Variants in EPB41L2 observed in about 807,000 individuals in gnomAD.
The protein encoded by EPB41L2 is erythrocyte membrane protein band 4.1 like 2.
Under a neutral mutation model 113.0 loss-of-function variants are expected in EPB41L2, and 43 were observed. The observed-to-expected ratio is 0.38, with a 90% CI of 0.30 to 0.49. EPB41L2 has a LOEUF of 0.49. Among genes scored for constraint, EPB41L2 ranks in the 20% least tolerant of loss-of-function variants. The probability of loss-of-function intolerance (pLI) is 0.95; values close to 1 mark genes in which losing one functional copy is unlikely to be tolerated. For synonymous variants in EPB41L2, 442 were observed against 436.7 expected, an observed-to-expected ratio of 1.01 and a Z score of -0.15; for missense variants, 1,147 against 1,223.4, an observed-to-expected ratio of 0.94 and a Z score of 0.93.
chr6:130,940,288 T>C (rs879347814), intron 3 of EPB41L2, among the ~76,000 whole-genome samples: 7 of 152,186 alleles, frequency 4.6e-5, no homozygotes, highest in African/African-American at 1.7e-4. Context: ...TGGTTTGCCC[T>C]GAACAAATGT....
At chr6:130,931,137 G>C (rs1806683159) in intron 3 of EPB41L2, among the ~76,000 whole-genome samples, 1 of 152,066 alleles carries the variant, frequency 6.6e-6, no homozygotes, top group Non-Finnish European at 1.5e-5. Context: ...GGAGATGAGA[G>C]AGAATAAGGG....
At chr6:130,950,121 C>T (rs1298441131) in intron 3 of EPB41L2, among the ~76,000 whole-genome samples, 3 of 152,052 alleles carry the variant, frequency 2.0e-5, no homozygotes, top group African/African-American at 7.2e-5. Context: ...AACTGTATTT[C>T]AAATTTGTAC....
At chr6:130,872,387 A>T (rs1786031182) in intron 14 of EPB41L2, 1 of 1,288,504 alleles carries the variant, frequency 7.8e-7, no homozygotes, top group African/African-American at 1.5e-5. Context: ...CAAGTGTGAG[A>T]AGGGCGAGGA....
chr6:130,981,574 C>T (rs970548316), intron 1 of EPB41L2, among the ~76,000 whole-genome samples: 1 of 152,176 alleles, frequency 6.6e-6, no homozygotes, highest in Non-Finnish European at 1.5e-5. Context: ...GACATTCTGA[C>T]AGTGCACACA....
At position 130,955,086 on chromosome 6, in the gene EPB41L2, A is replaced by G; in HGVS notation, c.705+19T>C. The G allele has an allele frequency of 6.2e-7, 1 of 1,609,002 alleles. No homozygotes were observed. The highest frequency in any genetic ancestry group is 1.1e-5 in the South Asian group (1 of 90,874). On this transcript the variant is annotated intron_variant, in intron 3 of 19. Coordinates refer to ENST00000337057, the MANE Select transcript of EPB41L2 (RefSeq NM_001431.4). ...CAATCCACATATCAAGCTAGCTCTC[A>G]CTCAGCTCCCTATCTCACCTCCAGG...
chr6:130,918,550 T>C (rs6900130), intron 4 of EPB41L2, among the ~76,000 whole-genome samples: 11,473 of 152,192 alleles, frequency 0.075, 969 homozygotes, highest in African/African-American at 0.2. Flanking sequence ...GTAAAGTTTA[T>C]ATAAGCACTC....
chr6:130,955,120 G>A lies in EPB41L2; in HGVS notation c.690C>T (p.Tyr230=). Residue 230 remains tyrosine, a synonymous_variant, in exon 3 of 20, where the codon TAC becomes TAT. Coordinates refer to ENST00000337057, the MANE Select transcript of EPB41L2 (RefSeq NM_001431.4). The part of the protein sequence containing the change: ...CKVTLLDGTE[Y]SCDLEKHAKG... ...CCTATCTCACCTCCAGGTCACAGCT[G>A]TATTCGGTGCCATCTAAGAGGGTCA... 1 of 1,614,130 alleles carries A rather than the reference G, an allele frequency of 6.2e-7. No individual in the cohort carries two copies. Among genetic ancestry groups the A allele is most frequent in the Non-Finnish European group, 8.5e-7 (1 of 1,180,010 alleles).
intron 1 of EPB41L2, among the ~76,000 whole-genome samples, chr6:130,993,194 AC>A (rs1330109952): frequency 1.3e-5 from 2 of 152,176 alleles, no homozygotes; most frequent in South Asian, 2.1e-4. Context: ...TACAATAAAT[AC>A]CCCAAAAAGG....
At chr6:130,994,574 C>T (rs901648053) in intron 1 of EPB41L2, among the ~76,000 whole-genome samples, 10 of 152,058 alleles carry the variant, frequency 6.6e-5, no homozygotes, top group Admixed American at 3.9e-4. Context: ...CTGCCCCAGG[C>T]GACAAAAGGA....
chr6:131,009,944 T>C (rs1205071835), intron 1 of EPB41L2, among the ~76,000 whole-genome samples: 1 of 152,198 alleles, frequency 6.6e-6, no homozygotes, highest in Non-Finnish European at 1.5e-5. Context: ...CATGCAAACA[T>C]CTGTGCAATC....
chr6:130,943,549 C>A (rs1811630429), intron 3 of EPB41L2, among the ~76,000 whole-genome samples: 1 of 152,166 alleles, frequency 6.6e-6, no homozygotes, highest in Non-Finnish European at 1.5e-5. Context: ...GCCTATCCAG[C>A]AAGAGGTGGA....
intron 1 of EPB41L2, 74 bp from the exon 2 acceptor site, chr6:130,956,573 G>C: frequency 7.5e-7 from 1 of 1,332,738 alleles, no homozygotes; most frequent in Admixed American, 2.4e-5. Context: ...CGAGGGGCAT[G>C]GTAAGGAAAG....
intron 1 of EPB41L2, among the ~76,000 whole-genome samples, chr6:131,049,443 T>G (rs1230935152): frequency 6.6e-6 from 1 of 152,244 alleles, no homozygotes; most frequent in Non-Finnish European, 1.5e-5. Flanking sequence ...TTTTCCTTTT[T>G]CTCTTTAAGA....
At chr6:131,019,858 T>C (rs9375796) in intron 1 of EPB41L2, among the ~76,000 whole-genome samples, 22,802 of 152,126 alleles carry the variant, frequency 0.15, 2,331 homozygotes, top group East Asian at 0.43. Flanking sequence ...ACCAGGGTTA[T>C]GTTAGCTTAA....
At chr6:131,006,977 C>T (rs2128720427) in intron 1 of EPB41L2, among the ~76,000 whole-genome samples, 1 of 152,282 alleles carries the variant, frequency 6.6e-6, no homozygotes, top group Admixed American at 6.5e-5. Context: ...ACTCCTTTGC[C>T]CCTCCCTACC....
chr6:130,877,065 T>G (rs1030356116), intron 14 of EPB41L2, among the ~76,000 whole-genome samples: 2 of 152,210 alleles, frequency 1.3e-5, no homozygotes, highest in Non-Finnish European at 2.9e-5. Context: ...TGTCTTAATA[T>G]TTTCAAAAGT....
chr6:131,050,169 T>C (rs906418042), intron 1 of EPB41L2, among the ~76,000 whole-genome samples: 4 of 151,988 alleles, frequency 2.6e-5, no homozygotes, highest in Non-Finnish European at 5.9e-5. Context: ...CAAAACCCCA[T>C]CTCTACTAAA....
intron 1 of EPB41L2, among the ~76,000 whole-genome samples, chr6:130,974,458 T>TA (rs1374240909): frequency 1.3e-5 from 2 of 152,150 alleles, no homozygotes; most frequent in Non-Finnish European, 2.9e-5. Context: ...CAAAAGATCC[T>TA]ACTCAGGAGA....
intron 14 of EPB41L2, 82 bp from the exon 15 acceptor site, chr6:130,870,208 G>T: frequency 6.5e-7 from 1 of 1,533,980 alleles, no homozygotes; most frequent in Non-Finnish European, 8.8e-7. Flanking sequence ...ACCGATGGCA[G>T]ATTCATGTCA....
Sources: allele counts gnomAD v4.1 joint callset (sites outside exome capture counted in the v4.1 genomes callset), GRCh38; gene constraint gnomAD v4.1.1; transcripts MANE v1.5; gene names NCBI Gene and HGNC (gene_info 2026-07-23, HGNC 2026-07-21).